The following MTOR variants were observed in gnomAD, a reference collection of about 807,000 sequenced individuals.
MTOR encodes the protein serine/threonine-protein kinase mTOR.
In MTOR, 70 loss-of-function variants were observed where a neutral mutation model predicts 319.8. That is an observed-to-expected ratio of 0.22 (90% confidence interval 0.18 to 0.27). MTOR has a LOEUF of 0.27. MTOR is among the 10% of genes least tolerant of loss of function. The pLI is 1.00. For synonymous variants in MTOR, 1,183 were observed against 1,211.4 expected, an observed-to-expected ratio of 0.98 and a Z score of 0.49; for missense variants, 1,890 against 3,274.4, an observed-to-expected ratio of 0.58 and a Z score of 10.32.
chr1:11,163,094 A>T (rs1389779460), intron 29 of MTOR, among the ~76,000 whole-genome samples: 1 of 152,230 alleles, frequency 6.6e-6, no homozygotes. Flanking sequence ...AGGAAGATCT[A>T]CCAAGCAAAT....
intron 18 of MTOR, among the ~76,000 whole-genome samples, chr1:11,229,587 T>C (rs900248780): frequency 6.6e-6 from 1 of 152,236 alleles, no homozygotes; most frequent in Admixed American, 6.5e-5. Context: ...CATGCCTCTC[T>C]AATACCAGAA....
chr1:11,185,578 C>A (rs1392739732), intron 28 of MTOR, among the ~76,000 whole-genome samples: 1 of 151,920 alleles, frequency 6.6e-6, no homozygotes, highest in African/African-American at 2.4e-5. Context: ...TGCACTCTAG[C>A]CTGAACAGAG....
intron 30 of MTOR, among the ~76,000 whole-genome samples, chr1:11,154,961 G>A (rs1224983031): frequency 6.6e-6 from 1 of 152,036 alleles, no homozygotes; most frequent in East Asian, 1.9e-4. Context: ...AGCCTAGACT[G>A]CACTGTGAGA....
At chr1:11,217,729 C>T (rs1378736721) in intron 19 of MTOR, among the ~76,000 whole-genome samples, 2 of 151,824 alleles carry the variant, frequency 1.3e-5, no homozygotes, top group African/African-American at 4.8e-5. Context: ...CAAATTTTTA[C>T]AGCTCTCTCT....
rs114628784 is a variant in MTOR, at chr1:11,200,082, C to T, written c.3945-379G>A. Among the ~76,000 whole-genome samples, 871 of 152,240 alleles carry T rather than the reference C, an allele frequency of 5.7e-3. 4 individuals carry two copies. Among genetic ancestry groups the T allele is most frequent in the Non-Finnish European group, 7.3e-3 (497 of 68,028 alleles). ...TTTTCTCCAAAGGAATATTTCTTGG[C>T]AGTTTTTGCATTATTTCTCTTCACT... On this transcript the variant is annotated intron_variant, in intron 26 of 57. Coordinates refer to ENST00000361445, the MANE Select transcript of MTOR (RefSeq NM_004958.4).
At position 11,256,864 on chromosome 1, in the gene MTOR, A is replaced by G. The variant is rs944664904; in HGVS notation, c.504+69T>C. On this transcript the variant is annotated intron_variant, in intron 4 of 57. Transcript: ENST00000361445. The stretch of plus-strand genomic sequence containing the variant: ...TTTTTAAGGAATGAGCCTCAGAAGG[A>G]AGCAAAAGACCCCCCCATGACACCA... 8.9e-6 allele frequency: 13 copies of G among 1,459,868 alleles called. No homozygotes were observed. The African/African-American group carries it at 1.3e-4, about 14-fold the overall frequency. The allele number at this position is 1,459,868 out of a possible 1,614,324, so 90.4% of individuals were successfully genotyped here. A position where few individuals can be genotyped will look rare whatever the true frequency, so the allele number is the denominator to read the frequency against.
rs1642880078 is a variant in MTOR, at chr1:11,127,215, C to G, written c.6217-71G>C. ...CAACCCAGGAGGCAAAATCCCCAGG[C>G]TGACTGCAGATATTCCTCAGGAGCC... On this transcript the variant is annotated intron_variant, in intron 44 of 57. Transcript: ENST00000361445. This position sits in a 1 kb window ranked among gnomAD's most constrained non-coding sequence, Gnocchi z 5.5. 1.3e-6 allele frequency: 2 copies of G among 1,594,032 alleles called. No individual in the cohort carries two copies. The highest frequency in any genetic ancestry group is 1.7e-6 in the Non-Finnish European group (2 of 1,170,622).
At chr1:11,219,546 G>A (rs1438435526) in intron 19 of MTOR, among the ~76,000 whole-genome samples, 1 of 152,146 alleles carries the variant, frequency 6.6e-6, no homozygotes, top group Non-Finnish European at 1.5e-5. Context: ...AGATTTTCTA[G>A]TATTGCTCCA....
intron 2 of MTOR, among the ~76,000 whole-genome samples, chr1:11,258,828 C>A (rs17848582): frequency 2.6e-5 from 4 of 152,094 alleles, no homozygotes; most frequent in Admixed American, 1.3e-4. Flanking sequence ...AATGTCCTGT[C>A]CTAGGTTCTT....
chr1:11,246,479 T>C (rs1648839845), intron 8 of MTOR, among the ~76,000 whole-genome samples: 1 of 152,166 alleles, frequency 6.6e-6, no homozygotes, highest in South Asian at 2.1e-4. Flanking sequence ...TGATTTTCCT[T>C]CTGTTATTTC....
chr1:11,130,877 G>A (rs1643115360), intron 38 of MTOR, 100 bp from the exon 39 acceptor site: 1 of 1,421,828 alleles, frequency 7.0e-7, no homozygotes, highest in Non-Finnish European at 9.4e-7. Flanking sequence ...GCTCCTGCCT[G>A]TTCTGTGTGT....
At position 11,213,388 on chromosome 1, in the gene MTOR, A is replaced by G. The variant is rs1382678120; in HGVS notation, c.3285+11T>C. 1 of 1,608,862 alleles carries G rather than the reference A, an allele frequency of 6.2e-7. No homozygotes were observed. Among genetic ancestry groups the G allele is most frequent in the South Asian group, 1.1e-5 (1 of 90,632 alleles). On this transcript the variant is annotated intron_variant, in intron 21 of 57. Transcript: ENST00000361445. ...AGAAAATCTCTCTGGAGGATGACGTAGGCTACTCACCTTGATAGAGACAAT... is the reference window on the plus strand; with the variant it reads ...AGAAAATCTCTCTGGAGGATGACGTGGGCTACTCACCTTGATAGAGACAAT...
At position 11,109,622 on chromosome 1, in the gene MTOR, G is replaced by A; in HGVS notation, c.7447+27C>T. The A allele has an allele frequency of 6.2e-7, 1 of 1,601,846 alleles. No homozygotes were observed. Among genetic ancestry groups the A allele is most frequent in the Non-Finnish European group, 8.6e-7 (1 of 1,168,764 alleles). ...TATTTTCTTAATGAGCTAGTCACTGGTGCGGTTCCTCAGAGGCTGAACTTA... is the reference window on the plus strand; with the variant it reads ...TATTTTCTTAATGAGCTAGTCACTGATGCGGTTCCTCAGAGGCTGAACTTA... On this transcript the variant is annotated intron_variant, in intron 55 of 57. Coordinates refer to ENST00000361445, the MANE Select transcript of MTOR (RefSeq NM_004958.4). The surrounding 1 kb of genome is among the most constrained non-coding windows in gnomAD (Gnocchi z 4.0).
At chr1:11,236,675 T>A (rs1028659220) in intron 13 of MTOR, among the ~76,000 whole-genome samples, 3 of 140,984 alleles carry the variant, frequency 2.1e-5, no homozygotes, top group Non-Finnish European at 4.8e-5. Context: ...TGCCTGGCTA[T>A]TTTTTTTTTA....
chr1:11,114,591 G>A, intron 52 of MTOR, 138 bp from the exon 53 acceptor site: 13 of 1,291,526 alleles, frequency 1.0e-5, no homozygotes, highest in Non-Finnish European at 1.4e-5. Flanking sequence ...CTTAGGAGAA[G>A]GAATCAGGGC....
chr1:11,241,049 G>A (rs55696749), intron 10 of MTOR, among the ~76,000 whole-genome samples: 3,828 of 151,710 alleles, frequency 0.025, 62 homozygotes, highest in Non-Finnish European at 0.039. Context: ...GAGGCCAGGC[G>A]CGGTGGCTCA....
chr1:11,252,893 C>G (rs1169195975), intron 6 of MTOR, among the ~76,000 whole-genome samples: 1 of 152,180 alleles, frequency 6.6e-6, no homozygotes. Context: ...GTCTGGCAGC[C>G]GTGAGAATGC....
chr1:11,121,473 C>A lies in MTOR; in HGVS notation c.6811-105G>T. 6.9e-7 allele frequency: 1 copy of A among 1,450,732 alleles called. No individual in the cohort carries two copies. Among genetic ancestry groups the A allele is most frequent in the Admixed American group, 1.9e-5 (1 of 52,298 alleles). 89.9% of individuals were successfully genotyped at this position (1,450,732 alleles called of 1,614,324 possible). A position where few individuals can be genotyped will look rare whatever the true frequency, so the allele number is the denominator to read the frequency against. Reference sequence around the variant, plus strand: ...TCCAGGCAGAGCTGAGTTCTAATTTCCCCATCATAGCCAAAGGAGAAGGGA... The same window carrying A: ...TCCAGGCAGAGCTGAGTTCTAATTTACCCATCATAGCCAAAGGAGAAGGGA... On this transcript the variant is annotated intron_variant, in intron 48 of 57. Transcript: ENST00000361445. The surrounding 1 kb of genome is among the most constrained non-coding windows in gnomAD (Gnocchi z 4.9).
In MTOR at chr1:11,167,502, T is replaced by A; in HGVS notation, c.4269A>T (p.Leu1423=). The A allele has an allele frequency of 6.2e-7, 1 of 1,612,472 alleles. No individual in the cohort carries two copies. The highest frequency in any genetic ancestry group is 8.5e-7 in the Non-Finnish European group (1 of 1,179,790). The part of the protein sequence containing the change: ...LESLISINNK[L]QQPEAAAGVL... ...CTCCGGCCGCTGCCTCCGGCTGCTG[T>A]AGCTTATTATTAATGCTGAGAAAAC... Residue 1423 remains leucine (L), a synonymous_variant, in exon 29 of 58, where the codon CTA becomes CTT. Transcript: ENST00000361445.
Sources: allele counts gnomAD v4.1 joint callset (sites outside exome capture counted in the v4.1 genomes callset), GRCh38; gene constraint gnomAD v4.1.1; non-coding constraint Gnocchi (gnomAD v3.1); transcripts MANE v1.5; gene names NCBI Gene and HGNC (gene_info 2026-07-23, HGNC 2026-07-21).